SMAD3: variants seen among roughly 807,000 people sequenced by gnomAD.
SMAD3 encodes SMAD family member 3.
A neutral mutation model predicts 51.8 loss-of-function variants in SMAD3; 12 were observed. That is an observed-to-expected ratio of 0.23 (90% confidence interval 0.15 to 0.38). SMAD3 has a LOEUF of 0.38. SMAD3 is among the 10% of genes least tolerant of loss of function. SMAD3 has a pLI of 1.00. For missense variants in SMAD3, 294 were observed against 565.6 expected (o/e 0.52, Z 4.87); for synonymous variants, 238 against 227.7 (o/e 1.05, Z -0.41).
At chr15:67,078,728 G>T (rs1960221148) in intron 1 of SMAD3, among the ~76,000 whole-genome samples, 1 of 152,058 alleles carries the variant, frequency 6.6e-6, no homozygotes, top group Admixed American at 6.5e-5. Context: ...TTAACTGAAG[G>T]CAAGACCAGG....
intron 5 of SMAD3, among the ~76,000 whole-genome samples, chr15:67,174,104 T>A (rs1396862118): frequency 6.6e-6 from 1 of 152,176 alleles, no homozygotes; most frequent in Non-Finnish European, 1.5e-5. Context: ...GGTGGTTGAA[T>A]GAGTGTGGAA....
intron 1 of SMAD3, among the ~76,000 whole-genome samples, chr15:67,140,136 G>A: frequency 6.6e-6 from 1 of 151,268 alleles, no homozygotes; most frequent in South Asian, 2.1e-4. Flanking sequence ...AAAAAAAAGA[G>A]AAAGAAAAGT....
chr15:67,165,114 G>A, intron 2 of SMAD3, 26 bp downstream of exon 2: 1 of 1,613,064 alleles, frequency 6.2e-7, no homozygotes, highest in South Asian at 1.1e-5. Context: ...TGCCTGTGGG[G>A]ACAGCAGGTG....
chr15:67,160,910 CT>C (rs1962414815), intron 1 of SMAD3, among the ~76,000 whole-genome samples: 2 of 150,412 alleles, frequency 1.3e-5, no homozygotes, highest in Admixed American at 1.3e-4. Context: ...TAGTGCTTGC[CT>C]TTTTATTCCT....
At chr15:67,179,757 C>T (rs964894797) in intron 5 of SMAD3, among the ~76,000 whole-genome samples, 1 of 152,132 alleles carries the variant, frequency 6.6e-6, no homozygotes, top group African/African-American at 2.4e-5. Flanking sequence ...CAGTGGGTTC[C>T]CCCTCCTAGA....
intron 1 of SMAD3, among the ~76,000 whole-genome samples, chr15:67,113,727 G>A (rs954030177): frequency 3.9e-5 from 6 of 152,192 alleles, no homozygotes; most frequent in Non-Finnish European, 5.9e-5. Flanking sequence ...TTCAGGGACT[G>A]AAATATAAGC....
chr15:67,081,204 T>C (rs1303134588), intron 1 of SMAD3, among the ~76,000 whole-genome samples: 1 of 152,090 alleles, frequency 6.6e-6, no homozygotes, highest in Non-Finnish European at 1.5e-5. Context: ...CGCGGAGGCA[T>C]GTGTGGGGGT....
intron 1 of SMAD3, among the ~76,000 whole-genome samples, chr15:67,069,988 G>A (rs1431361137): frequency 1.3e-5 from 2 of 152,136 alleles, no homozygotes; most frequent in Non-Finnish European, 2.9e-5. Context: ...ACAGGCGTGA[G>A]CCACCGCGCC....
At chr15:67,171,092 A>T (rs1962739227) in intron 5 of SMAD3, among the ~76,000 whole-genome samples, 1 of 152,136 alleles carries the variant, frequency 6.6e-6, no homozygotes, top group African/African-American at 2.4e-5. Flanking sequence ...CCATAATCCC[A>T]CCACCCTAAC....
chr15:67,179,308 T>C (rs1338427831), intron 5 of SMAD3, among the ~76,000 whole-genome samples: 2 of 152,122 alleles, frequency 1.3e-5, no homozygotes, highest in African/African-American at 4.8e-5. Context: ...ATCCGCAGCC[T>C]TTTTTTATTG....
At chr15:67,091,085 G>C (rs1236617590) in intron 1 of SMAD3, among the ~76,000 whole-genome samples, 1 of 152,216 alleles carries the variant, frequency 6.6e-6, no homozygotes, top group Non-Finnish European at 1.5e-5. Context: ...GCCCTCTGGA[G>C]AGAAAGATCC....
intron 1 of SMAD3, among the ~76,000 whole-genome samples, chr15:67,114,923 A>G (rs766509578): frequency 6.6e-6 from 1 of 152,160 alleles, no homozygotes; most frequent in African/African-American, 2.4e-5. Flanking sequence ...TATGCCACAC[A>G]TGTTGTTACT....
chr15:67,122,735 G>A (rs1961293413), intron 1 of SMAD3, among the ~76,000 whole-genome samples: 1 of 152,086 alleles, frequency 6.6e-6, no homozygotes, highest in African/African-American at 2.4e-5. Flanking sequence ...CCCTATGTAG[G>A]GTGGTAAGGA....
chr15:67,119,373 G>C (rs1961207254), intron 1 of SMAD3, among the ~76,000 whole-genome samples: 1 of 152,052 alleles, frequency 6.6e-6, no homozygotes, highest in Non-Finnish European at 1.5e-5. Flanking sequence ...TTGCAGGGAG[G>C]CCCATAGTCA....
intron 1 of SMAD3, among the ~76,000 whole-genome samples, chr15:67,084,883 GCT>G (rs1325255761): frequency 6.6e-6 from 1 of 152,202 alleles, no homozygotes; most frequent in Admixed American, 6.5e-5. Context: ...CCAACAATCA[GCT>G]CTCTCTTATC....
intron 1 of SMAD3, among the ~76,000 whole-genome samples, chr15:67,086,731 A>G (rs569621719): frequency 6.6e-6 from 1 of 152,264 alleles, no homozygotes; most frequent in East Asian, 1.9e-4. Flanking sequence ...CAGGAACTAT[A>G]GTGTCACGTG....
chr15:67,170,392 T>C (rs1011891346), intron 4 of SMAD3, among the ~76,000 whole-genome samples, 162 bp from the exon 5 acceptor site: 1 of 152,070 alleles, frequency 6.6e-6, no homozygotes, highest in African/African-American at 2.4e-5. Flanking sequence ...GGAGGGAAAG[T>C]AGAGGCAAGG....
intron 1 of SMAD3, among the ~76,000 whole-genome samples, chr15:67,144,773 C>T: frequency 6.6e-6 from 1 of 152,188 alleles, no homozygotes; most frequent in East Asian, 1.9e-4. Flanking sequence ...GGCTTGTGGC[C>T]TGATGCACGT....
At chr15:67,109,347 G>A (rs980457163) in intron 1 of SMAD3, among the ~76,000 whole-genome samples, 15 of 152,196 alleles carry the variant, frequency 9.9e-5, no homozygotes, top group African/African-American at 3.4e-4. Flanking sequence ...CCTTGTGCAA[G>A]TCACTTTAAC....
Sources: allele counts gnomAD v4.1 joint callset (sites outside exome capture counted in the v4.1 genomes callset), GRCh38; gene constraint gnomAD v4.1.1; transcripts MANE v1.5; gene names NCBI Gene and HGNC (gene_info 2026-07-23, HGNC 2026-07-21).